CBFB: variants seen among roughly 807,000 people sequenced by gnomAD.
CBFB encodes the protein core-binding factor subunit beta.
Under a neutral mutation model 30.4 loss-of-function variants are expected in CBFB, and 9 were observed. The observed-to-expected ratio is 0.30, with a 90% CI of 0.18 to 0.52. The LOEUF is 0.52. CBFB is among the 20% of genes least tolerant of loss of function. CBFB has a pLI of 0.97. For missense variants in CBFB, 170 were observed against 244.0 expected (o/e 0.70, Z 2.02); for synonymous variants, 94 against 84.0 (o/e 1.12, Z -0.65).
intron 3 of CBFB, among the ~76,000 whole-genome samples, chr16:67,056,038 G>A (rs1960713786): frequency 1.3e-5 from 2 of 152,200 alleles, no homozygotes; most frequent in African/African-American, 4.8e-5. Context: ...TGGTCTGTGG[G>A]TAGGAACAAC....
chr16:67,069,591 C>T (rs924499094), intron 4 of CBFB, among the ~76,000 whole-genome samples: 37 of 152,102 alleles, frequency 2.4e-4, no homozygotes, highest in African/African-American at 8.9e-4. Flanking sequence ...AAAACTCTCA[C>T]GTTTGATGAA....
At chr16:67,066,221 A>G (rs1450679436) in intron 3 of CBFB, among the ~76,000 whole-genome samples, 1 of 151,800 alleles carries the variant, frequency 6.6e-6, no homozygotes, top group African/African-American at 2.4e-5. Flanking sequence ...GTGGCTTCCA[A>G]TTGTTTTCCA....
chr16:67,077,367 T>G (rs1284938348), intron 4 of CBFB, among the ~76,000 whole-genome samples: 1 of 152,252 alleles, frequency 6.6e-6, no homozygotes, highest in Admixed American at 6.5e-5. Context: ...GCAAGGTTTT[T>G]CTGTTCATGA....
At chr16:67,084,577 T>C (rs1961665841) in intron 5 of CBFB, among the ~76,000 whole-genome samples, 1 of 152,212 alleles carries the variant, frequency 6.6e-6, no homozygotes. Flanking sequence ...CACAACAGTG[T>C]GAATGTACTT....
intron 5 of CBFB, among the ~76,000 whole-genome samples, chr16:67,085,147 T>C (rs1398080222): frequency 6.6e-6 from 1 of 151,912 alleles, no homozygotes; most frequent in African/African-American, 2.4e-5. Flanking sequence ...ATAAATTGTG[T>C]GTGTGTGTGT....
chr16:67,055,188 T>TA (rs1960678425), intron 3 of CBFB, among the ~76,000 whole-genome samples: 1 of 151,958 alleles, frequency 6.6e-6, no homozygotes, highest in South Asian at 2.1e-4. Flanking sequence ...TTAAAATAAT[T>TA]ATGTGGAGAG....
intron 5 of CBFB, among the ~76,000 whole-genome samples, chr16:67,085,842 T>C (rs1475565099): frequency 1.3e-5 from 2 of 151,074 alleles, no homozygotes; most frequent in African/African-American, 2.4e-5. Flanking sequence ...CATGCCCGGC[T>C]AATTTTTTGT....
intron 3 of CBFB, among the ~76,000 whole-genome samples, chr16:67,040,556 C>G (rs1427299113): frequency 6.6e-6 from 1 of 152,268 alleles, no homozygotes; most frequent in African/African-American, 2.4e-5. Flanking sequence ...GTTTTGACCA[C>G]TACTGTACCT....
intron 2 of CBFB, among the ~76,000 whole-genome samples, chr16:67,032,211 C>T (rs1966363674): frequency 2.0e-5 from 3 of 152,062 alleles, no homozygotes; most frequent in Admixed American, 2.0e-4. Context: ...CATTCTAGAC[C>T]TTCCCCGCTT....
intron 4 of CBFB, among the ~76,000 whole-genome samples, chr16:67,067,989 G>T (rs943832781): frequency 6.6e-6 from 1 of 152,210 alleles, no homozygotes; most frequent in Non-Finnish European, 1.5e-5. Flanking sequence ...GTCCTTGCAT[G>T]CTACTTTTCC....
rs777213321 is a variant in CBFB at position 67,092,698 on chromosome 16, C to CTT, written c.496-5981_496-5980dup. The stretch of plus-strand genomic sequence containing the variant: ...CCAGGCTAGGTTACAGTGGTGCAAT[C>CTT]TTTTTTTTTTTTTTTTTTTTTTTTT... On this transcript the variant is annotated intron_variant, in intron 5 of 5. Transcript: ENST00000412916. Among the ~76,000 whole-genome samples the CTT allele has an allele frequency of 6.5e-3, 218 of 33,530 alleles. 43 individuals carry two copies. Among genetic ancestry groups the CTT allele is most frequent in the African/African-American group, 0.015 (131 of 8,720 alleles). 22.0% of individuals were successfully genotyped at this position (33,530 alleles called of 152,430 possible).
At chr16:67,029,568 C>T (rs1342047560) in intron 1 of CBFB, 83 bp downstream of exon 1, 6 of 1,404,236 alleles carry the variant, frequency 4.3e-6, no homozygotes, top group Non-Finnish European at 5.8e-6. Context: ...CGGCACGGTC[C>T]CCGGGAGTCC....
At position 67,029,369 on chromosome 16, in the gene CBFB, C is replaced by T. The variant is rs751762472; in HGVS notation, c.-39C>T. The T allele has an allele frequency of 4.1e-6, 6 of 1,449,076 alleles. No individual in the cohort carries two copies. The Admixed American group carries it at 7.5e-5, about 18-fold the overall frequency. The allele number at this position is 1,449,076 out of a possible 1,614,324, so 89.8% of individuals were successfully genotyped here. A position where few individuals can be genotyped will look rare whatever the true frequency, so the allele number is the denominator to read the frequency against. On this transcript the variant is annotated 5_prime_UTR_variant, in exon 1 of 6. Transcript: ENST00000412916. ...CCAGCCAGCGGGTGCCCGCGCAAGC[C>T]CCGAGCGCGGCCGGCCGGCGCGGCC... is the stretch of plus-strand genomic sequence containing the variant.
In CBFB at chr16:67,042,772, C is replaced by T. The variant is rs917053087; in HGVS notation, c.282+6017C>T. Among the ~76,000 whole-genome samples, 4 of 152,234 alleles carry T rather than the reference C, an allele frequency of 2.6e-5. No individual in the cohort carries two copies. The East Asian group carries it at 7.7e-4, about 29-fold the overall frequency. ...TATTTATTTGAGACGGGGTCTTGCTCTGTCATCCAGGCTGGAGTGCAGTGG... is the reference window on the plus strand; with the variant it reads ...TATTTATTTGAGACGGGGTCTTGCTTTGTCATCCAGGCTGGAGTGCAGTGG... On this transcript the variant is annotated intron_variant, in intron 3 of 5. Transcript: ENST00000412916.
intron 3 of CBFB, among the ~76,000 whole-genome samples, chr16:67,056,160 G>A (rs1315690296): frequency 6.6e-6 from 1 of 152,142 alleles, no homozygotes; most frequent in African/African-American, 2.4e-5. Flanking sequence ...TTTTGTTGGT[G>A]ATTTCACTGT....
chr16:67,082,641 CAG>C (rs1417873128), intron 5 of CBFB, among the ~76,000 whole-genome samples: 3 of 151,944 alleles, frequency 2.0e-5, no homozygotes, highest in Admixed American at 6.6e-5. Flanking sequence ...CTTATGTTAA[CAG>C]ATTGCATATT....
intron 5 of CBFB, among the ~76,000 whole-genome samples, chr16:67,096,874 G>T (rs185317705): frequency 6.6e-6 from 1 of 150,774 alleles, no homozygotes; most frequent in Non-Finnish European, 1.5e-5. Context: ...CTCGGGAGGC[G>T]GAGCTTGCGG....
In CBFB at chr16:67,074,896, C is replaced by G. The variant is rs929807094; in HGVS notation, c.400-7317C>G. On this transcript the variant is annotated intron_variant, in intron 4 of 5. Transcript: ENST00000412916. ...AAAATGTTTTCTGGCAAAGGACTTA[C>G]ATAAAATATGTAGAGGCCAGGCGCA... Among the ~76,000 whole-genome samples, 87 of 151,626 alleles carry G rather than the reference C, an allele frequency of 5.7e-4. 1 individual carries two copies. Among genetic ancestry groups the G allele is most frequent in the African/African-American group, 2.0e-3 (82 of 41,420 alleles).
chr16:67,050,167 CAT>C (rs1056612411), intron 3 of CBFB, among the ~76,000 whole-genome samples: 3 of 146,952 alleles, frequency 2.0e-5, no homozygotes, highest in African/African-American at 7.4e-5. Flanking sequence ...ATAAATATAT[CAT>C]ATATAAATTA....
Sources: gnomAD v4.1 joint callset for allele counts (sites outside exome capture counted in the v4.1 genomes callset) on GRCh38, gnomAD v4.1.1 for gene constraint, MANE v1.5 for transcripts, NCBI Gene and HGNC (gene_info 2026-07-23, HGNC 2026-07-21) for gene names.